Variants in PAICS observed in about 807,000 individuals in gnomAD.
The protein encoded by PAICS is phosphoribosylaminoimidazole carboxylase and phosphoribosylaminoimidazolesuccinocarboxamide synthase, also known as bifunctional phosphoribosylaminoimidazole carboxylase/phosphoribosylaminoimidazole succinocarboxamide synthetase.
In PAICS, 33 loss-of-function variants were observed where a neutral mutation model predicts 53.7. The observed-to-expected ratio is 0.61, with a 90% confidence interval of 0.47 to 0.82. PAICS has a LOEUF of 0.82. Among genes scored for constraint, PAICS ranks in the 40% least tolerant of loss-of-function variants. The pLI, the probability that PAICS is intolerant of heterozygous loss-of-function variation, is 0.00. For synonymous variants in PAICS, 141 were observed against 167.2 expected, an observed-to-expected ratio of 0.84 and a Z score of 1.21; for missense variants, 394 against 494.1, an observed-to-expected ratio of 0.80 and a Z score of 1.92.
chr4:56,415,420 G>A, the PAICS span, among the ~76,000 whole-genome samples: 1 of 152,062 alleles, frequency 6.6e-6, no homozygotes, highest in East Asian at 1.9e-4. Context: ...CTCCTCATTT[G>A]ATCACTTTAA....
chr4:56,461,934 G>A lies in PAICS; in HGVS notation c.*2396G>A, dbSNP rs538728858. The A allele has an allele frequency of 3.3e-5, 5 of 152,212 alleles. No homozygotes were observed. The highest frequency in any genetic ancestry group is 2.0e-4 in the Admixed American group (3 of 15,292). 9.4% of individuals were successfully genotyped at this position (152,212 alleles called of 1,614,324 possible). Reference sequence around the variant, plus strand: ...TTAAGCTTTCTGAGATTTAACCACTGAAACTAAGTAAAAGACAAAGCACTT... The same window carrying A: ...TTAAGCTTTCTGAGATTTAACCACTAAAACTAAGTAAAAGACAAAGCACTT... On this transcript the variant is annotated 3_prime_UTR_variant, in exon 9 of 9. Transcript: ENST00000512576.
intron 2 of PAICS, among the ~76,000 whole-genome samples, chr4:56,444,204 T>G (rs1203619008): frequency 1.3e-5 from 2 of 152,314 alleles, no homozygotes; most frequent in African/African-American, 4.8e-5. Context: ...ATTCTACTTT[T>G]CTCATTGTCA....
At chr4:56,435,759 C>A, upstream of PAICS, 1 of 1,494,770 alleles carries the variant, frequency 6.7e-7, no homozygotes. Flanking sequence ...GCTAGCCTTC[C>A]CCTAAGAGCT....
At chr4:56,439,026 A>G (rs1030708728) in intron 1 of PAICS, among the ~76,000 whole-genome samples, 2 of 152,104 alleles carry the variant, frequency 1.3e-5, no homozygotes, top group Non-Finnish European at 2.9e-5. Flanking sequence ...ATTTGTAGCA[A>G]CCATTTTGGT....
chr4:56,449,242 T>G (rs1444797461), intron 5 of PAICS, among the ~76,000 whole-genome samples: 1 of 152,150 alleles, frequency 6.6e-6, no homozygotes, highest in Non-Finnish European at 1.5e-5. Context: ...AGAAGACATT[T>G]ATGCAGCCAA....
chr4:56,443,022 G>A (rs905335058), intron 2 of PAICS, among the ~76,000 whole-genome samples: 2 of 152,124 alleles, frequency 1.3e-5, no homozygotes, highest in Non-Finnish European at 2.9e-5. Flanking sequence ...TAAATTTAAA[G>A]GATCTTCCAG....
intron 1 of PAICS, among the ~76,000 whole-genome samples, chr4:56,438,374 TATATATATATA>T (rs1718140522): frequency 3.5e-5 from 2 of 57,232 alleles, no homozygotes; most frequent in African/African-American, 1.9e-4. Context: ...AATGTGTTTA[TATATATATATA>T]TATATATATA....
chr4:56,418,569 T>C, the PAICS span, among the ~76,000 whole-genome samples: 1 of 152,132 alleles, frequency 6.6e-6, no homozygotes, highest in Admixed American at 6.5e-5. Context: ...TCCACCTGCC[T>C]TGGCACCCCA....
intron 1 of PAICS, among the ~76,000 whole-genome samples, chr4:56,438,302 A>G (rs954971382): frequency 6.7e-6 from 1 of 149,320 alleles, no homozygotes; most frequent in Non-Finnish European, 1.5e-5. Flanking sequence ...ATGGAAATAT[A>G]ATGTAAATTT....
At chr4:56,454,839 G>A (rs900360078) in intron 8 of PAICS, among the ~76,000 whole-genome samples, 2 of 151,782 alleles carry the variant, frequency 1.3e-5, no homozygotes, top group African/African-American at 2.4e-5. Flanking sequence ...TACTTCTGTA[G>A]AGAGAATACA....
chr4:56,453,859 A>C, intron 8 of PAICS, 98 bp downstream of exon 8: 2 of 757,458 alleles, frequency 2.6e-6, no homozygotes, highest in Non-Finnish European at 4.1e-6. Context: ...TGTACCCATG[A>C]CCTAGCTTCA....
At chr4:56,435,931 A>G (rs779245880), upstream of PAICS, 8 of 1,481,630 alleles carry the variant, frequency 5.4e-6, no homozygotes, top group South Asian at 1.1e-5. Flanking sequence ...AAGACTTGGT[A>G]CGCTCCAACT....
chr4:56,447,222 A>G (rs3796550), intron 3 of PAICS, among the ~76,000 whole-genome samples: 12,627 of 152,020 alleles, frequency 0.083, 679 homozygotes, highest in East Asian at 0.27. Context: ...TGTAAGTGAA[A>G]ATATATAAAT....
At chr4:56,450,090 A>G (rs1209159884) in intron 5 of PAICS, among the ~76,000 whole-genome samples, 1 of 152,134 alleles carries the variant, frequency 6.6e-6, no homozygotes, top group Non-Finnish European at 1.5e-5. Context: ...CAAACACCAC[A>G]TGTTCTCACT....
chr4:56,416,479 T>A, the PAICS span: 9 of 249,448 alleles, frequency 3.6e-5, no homozygotes, highest in African/African-American at 2.1e-4. Context: ...CTGATCTAAT[T>A]TCAAACGGAA....
upstream of PAICS, chr4:56,435,484 G>A: frequency 6.2e-7 from 1 of 1,613,182 alleles, no homozygotes; most frequent in South Asian, 1.1e-5. Flanking sequence ...CCATGTCGCC[G>A]CCGAAAGCAC....
At chr4:56,454,412 T>G (rs915955474) in intron 8 of PAICS, among the ~76,000 whole-genome samples, 11 of 152,194 alleles carry the variant, frequency 7.2e-5, no homozygotes, top group Admixed American at 2.0e-4. Flanking sequence ...CAGGAATTTC[T>G]GTTAGTTGTT....
At chr4:56,417,572 G>A in the PAICS span, among the ~76,000 whole-genome samples, 1 of 152,132 alleles carries the variant, frequency 6.6e-6, no homozygotes, top group Non-Finnish European at 1.5e-5. Context: ...CTTGAGACCA[G>A]GAGTTCGAGA....
At chr4:56,432,108 T>C (rs998197721), upstream of PAICS, among the ~76,000 whole-genome samples, 2 of 152,236 alleles carry the variant, frequency 1.3e-5, no homozygotes, top group Non-Finnish European at 2.9e-5. Context: ...ATGGCTAATA[T>C]ACCTTCCAGG....
Sources: allele counts gnomAD v4.1 joint callset (sites outside exome capture counted in the v4.1 genomes callset), GRCh38; gene constraint gnomAD v4.1.1; transcripts MANE v1.5; gene names NCBI Gene and HGNC (gene_info 2026-07-23, HGNC 2026-07-21).